Variants in LRMDA observed in about 807,000 individuals in gnomAD.
The protein encoded by LRMDA is leucine-rich melanocyte differentiation-associated protein.
Under a neutral mutation model 29.8 loss-of-function variants are expected in LRMDA, and 18 were observed. The ratio of observed to expected loss-of-function variants is 0.60; its 90% confidence interval spans 0.42 to 0.90. The LOEUF is 0.90. Among genes scored for constraint, LRMDA ranks in the 40% least tolerant of loss-of-function variants. The probability of loss-of-function intolerance (pLI) is 0.00; values close to 1 mark genes in which losing one functional copy is unlikely to be tolerated. For missense variants in LRMDA, 273 were observed against 273.9 expected, an observed-to-expected ratio of 1.00 and a Z score of 0.02; for synonymous variants, 125 against 109.4, an observed-to-expected ratio of 1.14 and a Z score of -0.89.
At chr10:75,885,108 G>A (rs12571738) in intron 2 of LRMDA, among the ~76,000 whole-genome samples, 10,890 of 148,936 alleles carry the variant, frequency 0.073, 1,201 homozygotes, top group African/African-American at 0.23. Flanking sequence ...ACAGTAGTTC[G>A]GGAGGCCTGG....
At chr10:75,519,978 C>G (rs984642379) in intron 2 of LRMDA, among the ~76,000 whole-genome samples, 1 of 152,146 alleles carries the variant, frequency 6.6e-6, no homozygotes, top group Non-Finnish European at 1.5e-5. Context: ...GTTGAAAATT[C>G]TTTTCTTTAA....
intron 2 of LRMDA, among the ~76,000 whole-genome samples, chr10:75,620,603 AC>A (rs1841168477): frequency 6.6e-6 from 1 of 151,972 alleles, no homozygotes; most frequent in African/African-American, 2.4e-5. Flanking sequence ...CTTTGAATGG[AC>A]TTCCCTTTCC....
At chr10:75,884,820 C>T (rs1845356572) in intron 2 of LRMDA, among the ~76,000 whole-genome samples, 1 of 152,198 alleles carries the variant, frequency 6.6e-6, no homozygotes, top group African/African-American at 2.4e-5. Context: ...TCATGGAAGT[C>T]ATGAGCATCA....
intron 2 of LRMDA, among the ~76,000 whole-genome samples, chr10:75,965,876 G>A (rs1462711188): frequency 6.6e-6 from 1 of 152,106 alleles, no homozygotes; most frequent in Non-Finnish European, 1.5e-5. Context: ...CTTGACACTG[G>A]GTTTATACAC....
At chr10:76,377,878 T>C (rs1352261332) in intron 6 of LRMDA, among the ~76,000 whole-genome samples, 1 of 152,220 alleles carries the variant, frequency 6.6e-6, no homozygotes. Flanking sequence ...TTTGGTTCCA[T>C]CTGAATTTTA....
intron 2 of LRMDA, among the ~76,000 whole-genome samples, chr10:75,920,626 A>G (rs562988140): frequency 6.6e-6 from 1 of 152,256 alleles, no homozygotes; most frequent in African/African-American, 2.4e-5. Flanking sequence ...GCTGATTGTT[A>G]TGGCAGAGCT....
In LRMDA at chr10:75,870,651, C is replaced by T. The variant is rs528937761; in HGVS notation, c.132-165357C>T. The stretch of plus-strand genomic sequence containing the variant: ...ACCTCCCACTGTTGACCAGCTTCTA[C>T]TTCTGAAATTCTCTGTTCTGTCTGC... On this transcript the variant is annotated intron_variant, in intron 2 of 6. Coordinates refer to ENST00000611255, the MANE Select transcript of LRMDA (RefSeq NM_001305581.2). 2.0e-5 allele frequency among the ~76,000 whole-genome samples: 3 copies of T among 152,314 alleles called. No individual in the cohort carries two copies. In the South Asian group the frequency reaches 6.2e-4, roughly 32 times the overall value.
intron 6 of LRMDA, among the ~76,000 whole-genome samples, chr10:76,449,791 A>C (rs1246870241): frequency 6.6e-6 from 1 of 151,988 alleles, no homozygotes; most frequent in African/African-American, 2.4e-5. Context: ...ACCAGTTTCT[A>C]ATGAGAAATG....
chr10:75,707,427 G>A (rs1257813054), intron 2 of LRMDA, among the ~76,000 whole-genome samples: 4 of 152,164 alleles, frequency 2.6e-5, no homozygotes, highest in Admixed American at 6.5e-5. Flanking sequence ...TTAAGGGACC[G>A]ATCCAAGGTC....
chr10:76,113,088 A>G (rs1849607957), intron 5 of LRMDA, among the ~76,000 whole-genome samples: 1 of 152,164 alleles, frequency 6.6e-6, no homozygotes, highest in African/African-American at 2.4e-5. Flanking sequence ...GGCAGAAGGC[A>G]TCAGTGGGGA....
chr10:75,460,965 AT>A (rs1377353879), intron 2 of LRMDA, among the ~76,000 whole-genome samples: 1 of 152,188 alleles, frequency 6.6e-6, no homozygotes, highest in African/African-American at 2.4e-5. Flanking sequence ...AAAGAGTGAA[AT>A]TACTGAATTA....
intron 1 of LRMDA, among the ~76,000 whole-genome samples, chr10:75,434,862 C>A (rs1265887789): frequency 6.6e-6 from 1 of 152,216 alleles, no homozygotes; most frequent in Non-Finnish European, 1.5e-5. Context: ...TCCAGAAATG[C>A]CCTGGGAGCC....
intron 2 of LRMDA, among the ~76,000 whole-genome samples, chr10:75,958,940 A>T (rs1475113995): frequency 6.6e-6 from 1 of 152,152 alleles, no homozygotes; most frequent in Non-Finnish European, 1.5e-5. Context: ...CAACCATCAG[A>T]TCTCGTGAGA....
intron 6 of LRMDA, among the ~76,000 whole-genome samples, chr10:76,434,064 GGTTA>G (rs1296785353): frequency 6.6e-6 from 1 of 151,850 alleles, no homozygotes; most frequent in African/African-American, 2.4e-5. Context: ...AATCCAAAAG[GGTTA>G]GTAACAGAAG....
chr10:76,069,346 A>G (rs1369187770), intron 5 of LRMDA, among the ~76,000 whole-genome samples: 1 of 152,208 alleles, frequency 6.6e-6, no homozygotes, highest in African/African-American at 2.4e-5. Flanking sequence ...TCTTAGATGA[A>G]CAGACAGGGC....
chr10:76,374,409 C>T (rs1564523885), intron 6 of LRMDA, among the ~76,000 whole-genome samples: 1 of 152,116 alleles, frequency 6.6e-6, no homozygotes, highest in Non-Finnish European at 1.5e-5. Flanking sequence ...TGAAAGGACT[C>T]ATACGTCTGG....
intron 6 of LRMDA, among the ~76,000 whole-genome samples, chr10:76,413,476 A>C (rs1053713160): frequency 6.6e-6 from 1 of 152,168 alleles, no homozygotes; most frequent in Non-Finnish European, 1.5e-5. Flanking sequence ...GTAATCCCTT[A>C]CAAAACCATC....
At chr10:75,726,583 G>A (rs753046070) in intron 2 of LRMDA, among the ~76,000 whole-genome samples, 22 of 152,188 alleles carry the variant, frequency 1.4e-4, no homozygotes, top group Non-Finnish European at 2.8e-4. Context: ...CATGGCCATG[G>A]CCCCTACTGG....
rs74365828 is a variant in LRMDA at position 75,865,776 on chromosome 10, C to T, written c.132-170232C>T. ...TGGCTAATTTTTTTTTTGCTTTATA[C>T]TTCTGAAATACAAATTCACTTTTTC... On this transcript the variant is annotated intron_variant, in intron 2 of 6. Transcript: ENST00000611255. Among the ~76,000 whole-genome samples the T allele has an allele frequency of 4.8e-3, 730 of 152,026 alleles. 9 individuals carry two copies. The highest frequency in any genetic ancestry group is 0.017 in the African/African-American group (715 of 41,456).
Sources: allele counts gnomAD v4.1 joint callset (sites outside exome capture counted in the v4.1 genomes callset), GRCh38; gene constraint gnomAD v4.1.1; transcripts MANE v1.5; gene names NCBI Gene and HGNC (gene_info 2026-07-23, HGNC 2026-07-21).